Variants in PKD1 observed in about 807,000 individuals in gnomAD.
PKD1 encodes polycystin 1, transient receptor potential channel interacting, also known as polycystin-1.
A neutral mutation model predicts 361.7 loss-of-function variants in PKD1; 81 were observed. The observed-to-expected ratio is 0.22, with a 90% CI of 0.19 to 0.27. The LOEUF is 0.27. PKD1 is among the 10% of genes least tolerant of loss of function. The probability of loss-of-function intolerance (pLI) is 1.00; values close to 1 mark genes in which losing one functional copy is unlikely to be tolerated. For synonymous variants in PKD1, 3,615 were observed against 2,818.3 expected (o/e 1.28, Z -8.95); for missense variants, 6,399 against 6,118.3 (o/e 1.05, Z -1.53).
In PKD1 at chr16:2,091,910, C is replaced by A; in HGVS notation, c.11412-4G>T. Reference sequence around the variant, plus strand: ...ACAGGAGCCCCAGGACCATGCCCTGCCGGAGAGGGGTGGCGTGGGTGCCGC... The same window carrying A: ...ACAGGAGCCCCAGGACCATGCCCTGACGGAGAGGGGTGGCGTGGGTGCCGC... On this transcript the variant is annotated splice_polypyrimidine_tract_variant and splice_region_variant and intron_variant, in intron 40 of 45. Coordinates refer to ENST00000262304, the MANE Select transcript of PKD1 (RefSeq NM_001009944.3). 1 of 1,611,498 alleles carries A rather than the reference C, an allele frequency of 6.2e-7. No individual in the cohort carries two copies. The highest frequency in any genetic ancestry group is 2.2e-5 in the East Asian group (1 of 44,868).
chr16:2,107,541 G>T (rs890194020), intron 16 of PKD1: 2 of 428,366 alleles, frequency 4.7e-6, no homozygotes, highest in African/African-American at 2.0e-5. Flanking sequence ...AGAGGGGAGC[G>T]TGAGGGTGAG....
chr16:2,116,369 C>T (rs994656992), intron 8 of PKD1, among the ~76,000 whole-genome samples, 160 bp downstream of exon 8: 2 of 152,330 alleles, frequency 1.3e-5, no homozygotes, highest in African/African-American at 4.8e-5. Context: ...TGTGAGTAAA[C>T]GCTTTCCTCT....
chr16:2,109,276 C>A lies in PKD1; in HGVS notation c.5891G>T (p.Arg1964Leu), dbSNP rs754379960. ...ACTCACGGCCTCCAGCACCACGATG[C>A]GCACCTGCGCCTGGGCCCAGCTCAC... ...NHVSWAQAQVRIVVLEAVSGL... is the reference protein window; with the variant it reads ...NHVSWAQAQVLIVVLEAVSGL... The change falls in exon 15 of 46, where the codon CGC becomes CTC. Residue 1964 changes from arginine (R) to leucine (L), a missense_variant. Arg to Leu is a moderately radical substitution (Grantham distance 102, BLOSUM62 -2). Transcript: ENST00000262304. 2 of 1,583,164 alleles carry A rather than the reference C, an allele frequency of 1.3e-6. No homozygotes were observed. The highest frequency in any genetic ancestry group is 2.3e-5 in the East Asian group (1 of 44,428).
rs1260900013 is a variant in PKD1 at position 2,092,937 on chromosome 16, G to T, written c.11156+17C>A. On this transcript the variant is annotated intron_variant, in intron 38 of 45. Transcript: ENST00000262304. ...ACTAAAGCCCAGAAGACAGACCAGT[G>T]CACCGGATGCCCGTACCGCGTGATG... 1 of 1,612,888 alleles carries T rather than the reference G, an allele frequency of 6.2e-7. No homozygotes were observed. The highest frequency in any genetic ancestry group is 1.7e-5 in the Admixed American group (1 of 60,022).
Position 2,099,776 on chromosome 16 carries a change from T to G in PKD1, c.9924-6A>C, listed in dbSNP as rs1567169413. On this transcript the variant is annotated splice_polypyrimidine_tract_variant and splice_region_variant and intron_variant, in intron 29 of 45. Transcript: ENST00000262304. ...GCCTGGACACATGCCCCGTGCTGTG[T>G]GGAGGAGAGGAGGCCACACAGGTGA... is the stretch of plus-strand genomic sequence containing the variant. 6.4e-7 allele frequency: 1 copy of G among 1,554,220 alleles called. No individual in the cohort carries two copies.
chr16:2,096,825 G>A (rs2091867619), intron 34 of PKD1: 2 of 418,922 alleles, frequency 4.8e-6, no homozygotes, highest in African/African-American at 2.0e-5. Flanking sequence ...CCAAAAATGG[G>A]GTATTTAAAA....
chr16:2,095,089 G>C (rs779833413), intron 34 of PKD1: 1 of 152,268 alleles, frequency 6.6e-6, no homozygotes, highest in Non-Finnish European at 1.5e-5. Context: ...GTGAGACCCT[G>C]TCTTTACAAA....
intron 16 of PKD1, chr16:2,107,514 C>A: frequency 2.5e-6 from 1 of 395,238 alleles, no homozygotes; most frequent in Admixed American, 3.8e-5. Context: ...GGTCACCAAG[C>A]CTCCTGGCCG....
In PKD1 at chr16:2,112,931, G is replaced by C. The variant is rs749234482; in HGVS notation, c.3018C>G (p.Thr1006=). The part of the protein sequence containing the change: ...LTASNHVSNV[T]VNYNVTVERM... Reference sequence around the variant, plus strand: ...GCTCCACGGTTACGTTGTAGTTCACGGTGACGTTGCTCACGTGGTTGGAGG... The same window carrying C: ...GCTCCACGGTTACGTTGTAGTTCACCGTGACGTTGCTCACGTGGTTGGAGG... Residue 1006 remains threonine (T), a synonymous_variant, in exon 13 of 46, where the codon ACC becomes ACG. Transcript: ENST00000262304. 1 of 1,603,796 alleles carries C rather than the reference G, an allele frequency of 6.2e-7. No individual in the cohort carries two copies. Among genetic ancestry groups the C allele is most frequent in the Non-Finnish European group, 8.5e-7 (1 of 1,179,746 alleles).
At chr16:2,124,746 C>T (rs576195643) in intron 1 of PKD1, among the ~76,000 whole-genome samples, 1 of 152,354 alleles carries the variant, frequency 6.6e-6, no homozygotes, top group Non-Finnish European at 1.5e-5. Context: ...CGGGTGTGCG[C>T]CAGGCCCGGC....
intron 39 of PKD1, 127 bp from the exon 40 acceptor site, chr16:2,092,315 A>C (rs1182616089): frequency 1.8e-6 from 2 of 1,107,862 alleles, no homozygotes; most frequent in African/African-American, 3.1e-5. Context: ...AGCAGCCATC[A>C]ATTAGACAAC....
Position 2,108,653 on chromosome 16 carries a change from G to A in PKD1, c.6514C>T (p.His2172Tyr), listed in dbSNP as rs762002707. ...GTGACGCAGTCGCGCAGGTCAACGTGGGCCTCCAAGTAGTTGCGCTGTGAT... is the reference window on the plus strand; with the variant it reads ...GTGACGCAGTCGCGCAGGTCAACGTAGGCCTCCAAGTAGTTGCGCTGTGAT... ...RRSQRNYLEA[H>Y]VDLRDCVTYQ... Residue 2172 changes from histidine (H) to tyrosine (Y), a missense_variant, in exon 15 of 46, where the codon CAC (histidine) becomes TAC (tyrosine). Physicochemically the swap from His to Tyr is moderately conservative, Grantham distance 83. Transcript: ENST00000262304. 4.5e-6 allele frequency: 7 copies of A among 1,563,290 alleles called. No individual in the cohort carries two copies. Among genetic ancestry groups the A allele is most frequent in the Non-Finnish European group, 6.1e-6 (7 of 1,154,970 alleles).
chr16:2,099,151 G>C (rs1349202849), intron 30 of PKD1: 1 of 326,180 alleles, frequency 3.1e-6, no homozygotes, highest in African/African-American at 2.2e-5. Context: ...GTTTTATATA[G>C]ATGGGGTCTT....
rs771320129 is a variant in PKD1 at position 2,092,201 on chromosome 16, G to A, written c.11270-13C>T. ...TCTGGGTAGAGTGCTGAAACACACA[G>A]AGCCCCAGGCCGGGGCCAGGGCCTC... On this transcript the variant is annotated splice_polypyrimidine_tract_variant and intron_variant, in intron 39 of 45. Transcript: ENST00000262304. The A allele has an allele frequency of 1.3e-6, 2 of 1,584,420 alleles. No individual in the cohort carries two copies. Among genetic ancestry groups the A allele is most frequent in the Non-Finnish European group, 8.6e-7 (1 of 1,166,864 alleles).
chr16:2,100,427 C>A lies in PKD1; in HGVS notation c.9537G>T (p.Val3179=), dbSNP rs1278191155. ...RIATPHSLGS[V]WKIRVWHDNK... is the part of the protein sequence containing the mutation. ...TGTCGTGCCACACTCGGATCTTCCACACGCTACCCAGGCTGTGCGGGGTGG... is the reference window on the plus strand; with the variant it reads ...TGTCGTGCCACACTCGGATCTTCCAAACGCTACCCAGGCTGTGCGGGGTGG... Residue 3179 remains valine, a synonymous_variant, in exon 27 of 46, where the codon GTG becomes GTT. Transcript: ENST00000262304. The surrounding 1 kb of genome is among the most constrained non-coding windows in gnomAD (Gnocchi z 4.4). 2 of 1,611,222 alleles carry A rather than the reference C, an allele frequency of 1.2e-6. No individual in the cohort carries two copies. Among genetic ancestry groups the A allele is most frequent in the Non-Finnish European group, 1.7e-6 (2 of 1,179,758 alleles).
rs1049233387 is a variant in PKD1 at position 2,118,359 on chromosome 16, G to A, written c.633C>T (p.Ser211=). 135 of 1,355,962 alleles carry A rather than the reference G, an allele frequency of 1.0e-4. No homozygotes were observed. The highest frequency in any genetic ancestry group is 1.2e-4 in the Non-Finnish European group (123 of 984,374). 84.0% of individuals were successfully genotyped at this position (1,355,962 alleles called of 1,614,324 possible). The part of the protein sequence containing the change: ...HEGLLQPEAC[S]AFCFSTGQGL... ...CCTGGCCGGTGGAGAAGCAGAAGGC[G>A]CTGCAGGCCTCTGGCTGAAGCAGGC... The change falls in exon 5 of 46, where the codon AGC becomes AGT. Residue 211 remains serine (S), a synonymous_variant. Coordinates refer to ENST00000262304, the MANE Select transcript of PKD1 (RefSeq NM_001009944.3). This position sits in a 1 kb window ranked among gnomAD's most constrained non-coding sequence, Gnocchi z 6.0.
chr16:2,107,238 G>A (rs1454417267), intron 16 of PKD1: 4 of 496,494 alleles, frequency 8.1e-6, no homozygotes, highest in Admixed American at 3.2e-5. Flanking sequence ...GGGGGGATGC[G>A]TGTGAGAAGA....
chr16:2,111,108 G>C lies in PKD1; in HGVS notation c.4059C>G (p.Gly1353=). 1 of 1,610,768 alleles carries C rather than the reference G, an allele frequency of 6.2e-7. No individual in the cohort carries two copies. Among genetic ancestry groups the C allele is most frequent in the Non-Finnish European group, 8.5e-7 (1 of 1,179,764 alleles). The change falls in exon 15 of 46, where the codon GGC becomes GGG. Residue 1353 remains glycine, a synonymous_variant. Transcript: ENST00000262304. ...PTVTHNFTRS[G]TFPLALVLSS... The stretch of plus-strand genomic sequence containing the variant: ...ACAGCACCAGCGCCAGGGGGAACGT[G>C]CCGCTCCGCGTGAAGTTGTGTGTCA...
intron 23 of PKD1, 82 bp from the exon 24 acceptor site, chr16:2,103,052 C>T (rs1456162753): frequency 6.7e-7 from 1 of 1,489,174 alleles, no homozygotes; most frequent in Non-Finnish European, 9.2e-7. Flanking sequence ...CCTGAGCCCA[C>T]CCTCTGCCAC....
Sources: gnomAD v4.1 joint callset for allele counts (sites outside exome capture counted in the v4.1 genomes callset) on GRCh38, gnomAD v4.1.1 for gene constraint, Gnocchi (gnomAD v3.1) non-coding constraint, MANE v1.5 for transcripts, NCBI Gene and HGNC (gene_info 2026-07-23, HGNC 2026-07-21) for gene names.